The following SYNE2 variants were observed in gnomAD, a reference collection of about 807,000 sequenced individuals.
SYNE2 encodes the protein nesprin-2.
A neutral mutation model predicts 856.3 loss-of-function variants in SYNE2; 431 were observed. That is an observed-to-expected ratio of 0.50 (90% CI 0.47 to 0.55). The LOEUF is 0.55. Ranked by LOEUF, SYNE2 falls within the 20% of genes least tolerant of loss-of-function variation. The pLI, the probability that SYNE2 is intolerant of heterozygous loss-of-function variation, is 0.00. For synonymous variants in SYNE2, 2,923 were observed against 2,872.3 expected, an observed-to-expected ratio of 1.02 and a Z score of -0.56; for missense variants, 8,129 against 8,023.2, an observed-to-expected ratio of 1.01 and a Z score of -0.50.
At chr14:64,124,074 G>A (rs991854361) in intron 70 of SYNE2, among the ~76,000 whole-genome samples, 2 of 151,974 alleles carry the variant, frequency 1.3e-5, no homozygotes, top group African/African-American at 4.8e-5. Flanking sequence ...CCGTGGTGGT[G>A]GGCACCTGTA....
intron 1 of SYNE2, among the ~76,000 whole-genome samples, chr14:63,803,873 T>C (rs1888257335): frequency 6.6e-6 from 1 of 152,182 alleles, no homozygotes; most frequent in African/African-American, 2.4e-5. Flanking sequence ...TAATCCTTTG[T>C]GTTGAGGGAG....
rs34215796 is a variant in SYNE2 at position 64,003,419 on chromosome 14, C to A, written c.4397+89C>A. On this transcript the variant is annotated intron_variant, in intron 30 of 115. Transcript: ENST00000555002. ...TAGGTGAAAGAAATTCTTCCTATGTCTTTCTGCTTCTATTCCATCCCACTC... is the reference window on the plus strand; with the variant it reads ...TAGGTGAAAGAAATTCTTCCTATGTATTTCTGCTTCTATTCCATCCCACTC... The A allele has an allele frequency of 0.071, 106,133 of 1,502,802 alleles. 4,285 individuals are homozygous for A. The highest frequency in any genetic ancestry group is 0.13 in the Admixed American group (7,902 of 59,424). 93.1% of individuals were successfully genotyped at this position (1,502,802 alleles called of 1,614,324 possible).
intron 85 of SYNE2, among the ~76,000 whole-genome samples, chr14:64,157,335 T>G (rs938359585): frequency 1.6e-4 from 24 of 152,228 alleles, no homozygotes; most frequent in Non-Finnish European, 4.4e-5. Context: ...ATAAATAGAA[T>G]CATATGCTAT....
At chr14:64,146,949 T>C (rs2098192670) in intron 84 of SYNE2, among the ~76,000 whole-genome samples, 1 of 152,228 alleles carries the variant, frequency 6.6e-6, no homozygotes. Flanking sequence ...GCACTGGACA[T>C]AAATGTGAGC....
intron 105 of SYNE2, 110 bp downstream of exon 105, chr14:64,213,115 T>G: frequency 8.3e-7 from 1 of 1,209,578 alleles, no homozygotes; most frequent in Admixed American, 2.2e-5. Context: ...TATGGTTTAT[T>G]TTTTGGTTGA....
At chr14:64,218,225 G>A in intron 108 of SYNE2, 173 bp from the exon 109 acceptor site, 1 of 625,912 alleles carries the variant, frequency 1.6e-6, no homozygotes, top group South Asian at 1.8e-5. Flanking sequence ...CATCAGCTTT[G>A]CCAGCTTATA....
intron 7 of SYNE2, among the ~76,000 whole-genome samples, chr14:63,953,107 T>C (rs1220097074): frequency 6.6e-6 from 1 of 152,188 alleles, no homozygotes; most frequent in Admixed American, 6.5e-5. Flanking sequence ...GCAAAGCCCT[T>C]GCTCTCAAAG....
intron 1 of SYNE2, among the ~76,000 whole-genome samples, chr14:63,880,154 G>A (rs1326448130): frequency 6.6e-6 from 1 of 152,008 alleles, no homozygotes; most frequent in African/African-American, 2.4e-5. Context: ...GCAGTAGCAC[G>A]ATCTTGGCTC....
intron 1 of SYNE2, among the ~76,000 whole-genome samples, chr14:63,831,735 A>C (rs1312200920): frequency 2.7e-5 from 4 of 150,232 alleles, no homozygotes; most frequent in African/African-American, 9.8e-5. Flanking sequence ...TTTGTATTTT[A>C]CTTTCGCCAT....
At position 64,225,549 on chromosome 14, in the gene SYNE2, TAC is replaced by T; in HGVS notation, c.*26_*27del. 1 of 1,610,906 alleles carries T rather than the reference TAC, an allele frequency of 6.2e-7. No homozygotes were observed. Among genetic ancestry groups the T allele is most frequent in the Non-Finnish European group, 8.5e-7 (1 of 1,177,866 alleles). ...TAGAGGGCATAGCTGGCCACAGTGC[TAC>T]ACCACCTGCCTGATTGCCAAGGGTG... On this transcript the variant is annotated 3_prime_UTR_variant, in exon 116 of 116. Coordinates refer to ENST00000555002, the MANE Select transcript of SYNE2 (RefSeq NM_182914.3).
chr14:64,119,595 C>T lies in SYNE2; in HGVS notation c.13009C>T (p.His4337Tyr). 6.2e-7 allele frequency: 1 copy of T among 1,614,100 alleles called. No individual in the cohort carries two copies. Among genetic ancestry groups the T allele is most frequent in the Non-Finnish European group, 8.5e-7 (1 of 1,180,008 alleles). ...AGTCCAGATGATGCTTCAGGAGAAG[C>T]ACAGTGAAGATCAGGTAAAAAATGA... ...EKVQMMLQEK[H>Y]SEDQHPTILK... The change falls in exon 67 of 116, where the codon CAC becomes TAC. Residue 4337 changes from histidine to tyrosine, a missense_variant. This residue lies in a region of SYNE2 where 5,410 missense variants were observed against 5,284.8 expected (regional missense o/e 1.02). Transcript: ENST00000555002.
chr14:63,990,851 G>C (rs1264948135), intron 20 of SYNE2, 91 bp from the exon 21 acceptor site: 2 of 1,027,854 alleles, frequency 1.9e-6, no homozygotes, highest in Admixed American at 3.9e-5. Flanking sequence ...AAATATCTTT[G>C]TCTAGTGGGA....
intron 1 of SYNE2, among the ~76,000 whole-genome samples, chr14:63,890,055 T>TTC (rs2095093816): frequency 2.6e-3 from 2 of 768 alleles, no homozygotes; most frequent in African/African-American, 9.3e-3. Context: ...CTTTCTTTCT[T>TTC]TTTTTTTTTT....
chr14:64,222,521 A>G (rs955242904), intron 112 of SYNE2, among the ~76,000 whole-genome samples: 3 of 152,216 alleles, frequency 2.0e-5, no homozygotes. Flanking sequence ...TCTGGCCAAC[A>G]TGGTGAAACC....
intron 84 of SYNE2, among the ~76,000 whole-genome samples, chr14:64,150,007 CTT>C (rs755126549): frequency 0.045 from 4,237 of 94,308 alleles, 95 homozygotes; most frequent in African/African-American, 0.14. Flanking sequence ...TTTTTCTTTT[CTT>C]TTTTTTTTTT....
chr14:64,166,164 G>T (rs1280404037), intron 90 of SYNE2, among the ~76,000 whole-genome samples: 2 of 152,158 alleles, frequency 1.3e-5, no homozygotes, highest in Admixed American at 1.3e-4. Context: ...TCAACAAACT[G>T]TGGTGCACTG....
At chr14:64,129,928 C>G (rs2097996323) in intron 75 of SYNE2, 27 bp downstream of exon 75, 1 of 1,613,952 alleles carries the variant, frequency 6.2e-7, no homozygotes, top group Admixed American at 1.7e-5. Context: ...AACATTGACT[C>G]AGCACTGTGA....
At position 64,067,198 on chromosome 14, in the gene SYNE2, C is replaced by CA. The variant is rs1290553183; in HGVS notation, c.10431+1558dup. Among the ~76,000 whole-genome samples the CA allele has an allele frequency of 3.2e-3, 467 of 145,700 alleles. 1 individual carries two copies. The highest frequency in any genetic ancestry group is 5.1e-3 in the Non-Finnish European group (339 of 65,972). ...AATATTTTTCAAAGAGTAGCACAAG[C>CA]AAAAAAAAAATGCTTCCCTGTAATA... On this transcript the variant is annotated intron_variant, in intron 51 of 115. Coordinates refer to ENST00000555002, the MANE Select transcript of SYNE2 (RefSeq NM_182914.3).
intron 32 of SYNE2, among the ~76,000 whole-genome samples, chr14:64,016,232 A>G (rs984673399): frequency 6.6e-6 from 1 of 152,102 alleles, no homozygotes; most frequent in Non-Finnish European, 1.5e-5. Flanking sequence ...TAAAAATTTC[A>G]TCATGCAGAG....
Sources: allele counts gnomAD v4.1 joint callset (sites outside exome capture counted in the v4.1 genomes callset), GRCh38; gene constraint gnomAD v4.1.1; regional missense constraint gnomAD v4.1.1; transcripts MANE v1.5; gene names NCBI Gene and HGNC (gene_info 2026-07-23, HGNC 2026-07-21).